SPATA17: variants seen among roughly 807,000 people sequenced by gnomAD.
SPATA17 encodes spermatogenesis associated 17.
In SPATA17, 53 loss-of-function variants were observed where a neutral mutation model predicts 62.2. The ratio of observed to expected loss-of-function variants is 0.85; its 90% CI spans 0.68 to 1.07. SPATA17 has a LOEUF of 1.07. Among genes scored for constraint, SPATA17 ranks in the 50% least tolerant of loss-of-function variants. The pLI is 0.00. For synonymous variants in SPATA17, 146 were observed against 146.8 expected (o/e 0.99, Z 0.04); for missense variants, 466 against 425.5 (o/e 1.10, Z -0.84).
At chr1:217,738,703 A>G (rs541767370) in intron 5 of SPATA17, among the ~76,000 whole-genome samples, 1 of 152,202 alleles carries the variant, frequency 6.6e-6, no homozygotes, top group Non-Finnish European at 1.5e-5. Flanking sequence ...TGCAATCCCA[A>G]CACTTGGGGA....
chr1:217,814,778 T>C (rs1461916703), intron 9 of SPATA17, among the ~76,000 whole-genome samples: 1 of 151,932 alleles, frequency 6.6e-6, no homozygotes. Flanking sequence ...AGCCCATGAG[T>C]TGGAGGCTGC....
chr1:217,743,659 G>T (rs1034445527), intron 6 of SPATA17, among the ~76,000 whole-genome samples: 1 of 151,908 alleles, frequency 6.6e-6, no homozygotes, highest in Non-Finnish European at 1.5e-5. Context: ...GCCCAGGCTG[G>T]AGTACAGTGG....
chr1:217,637,620 T>C (rs972208461), intron 1 of SPATA17, among the ~76,000 whole-genome samples: 10 of 152,188 alleles, frequency 6.6e-5, no homozygotes, highest in Admixed American at 1.3e-4. Context: ...TGACTGTAGT[T>C]CCTCCTGTAT....
intron 3 of SPATA17, among the ~76,000 whole-genome samples, chr1:217,656,036 C>G (rs548243536): frequency 1.3e-5 from 2 of 151,888 alleles, no homozygotes; most frequent in Non-Finnish European, 2.9e-5. Flanking sequence ...TCCCCCACCC[C>G]CCACGCCCGG....
At chr1:217,676,352 C>A (rs115831316) in intron 4 of SPATA17, among the ~76,000 whole-genome samples, 7,681 of 152,108 alleles carry the variant, frequency 0.05, 258 homozygotes, top group Middle Eastern at 0.12. Flanking sequence ...GTCCAAGGTG[C>A]AGATCACACA....
intron 9 of SPATA17, among the ~76,000 whole-genome samples, chr1:217,856,199 A>C (rs1675782363): frequency 6.6e-6 from 1 of 152,250 alleles, no homozygotes; most frequent in Non-Finnish European, 1.5e-5. Context: ...AGGATTATTC[A>C]TCTACAGTTT....
At chr1:217,768,662 T>G (rs183890692) in intron 6 of SPATA17, among the ~76,000 whole-genome samples, 1 of 152,116 alleles carries the variant, frequency 6.6e-6, no homozygotes, top group East Asian at 1.9e-4. Context: ...CCAGCTAATT[T>G]TTTGTATTTT....
chr1:217,751,371 A>G (rs1672901951), intron 6 of SPATA17, among the ~76,000 whole-genome samples: 2 of 152,150 alleles, frequency 1.3e-5, no homozygotes, highest in Admixed American at 1.3e-4. Context: ...TCAAGATTAC[A>G]TAGAGATCTG....
intron 9 of SPATA17, among the ~76,000 whole-genome samples, chr1:217,818,151 C>G (rs1674769033): frequency 6.6e-6 from 1 of 151,872 alleles, no homozygotes; most frequent in Non-Finnish European, 1.5e-5. Flanking sequence ...TCTTACAGTA[C>G]TATTTCAGTC....
intron 1 of SPATA17, among the ~76,000 whole-genome samples, chr1:217,638,820 T>C (rs2102875591): frequency 6.6e-6 from 1 of 152,240 alleles, no homozygotes; most frequent in African/African-American, 2.4e-5. Context: ...ATAATAATTT[T>C]CCATTTAAAA....
rs553861025 is a variant in SPATA17 at position 217,850,455 on chromosome 1, G to A, written c.1006-12319G>A. 3.7e-4 allele frequency: 497 copies of A among 1,349,600 alleles called. 3 individuals carry two copies. The highest frequency in any genetic ancestry group is 1.6e-3 in the South Asian group (133 of 84,376). 83.6% of individuals were successfully genotyped at this position (1,349,600 alleles called of 1,614,324 possible). Reference sequence around the variant, plus strand: ...GGTACAGGGTCAACTCTTTCTGGATGTTGTAGTCAGAAAGAGTACAGCCTC... The same window carrying A: ...GGTACAGGGTCAACTCTTTCTGGATATTGTAGTCAGAAAGAGTACAGCCTC... On this transcript the variant is annotated intron_variant, in intron 9 of 10. Transcript: ENST00000366933.
intron 5 of SPATA17, among the ~76,000 whole-genome samples, chr1:217,730,464 A>G (rs993018353): frequency 6.6e-6 from 1 of 151,932 alleles, no homozygotes; most frequent in Non-Finnish European, 1.5e-5. Context: ...TGATCTATCT[A>G]TACACCTTGG....
chr1:217,802,253 A>C (rs1674330998), intron 9 of SPATA17, among the ~76,000 whole-genome samples: 1 of 152,160 alleles, frequency 6.6e-6, no homozygotes, highest in African/African-American at 2.4e-5. Context: ...AGAGAAGACA[A>C]GCATTATATA....
intron 5 of SPATA17, among the ~76,000 whole-genome samples, chr1:217,715,114 C>T (rs754523787): frequency 1.3e-5 from 2 of 152,040 alleles, no homozygotes; most frequent in African/African-American, 4.8e-5. Context: ...TATCCCCTAC[C>T]GTGACCAAGA....
chr1:217,659,335 G>A (rs1259445211), intron 3 of SPATA17, among the ~76,000 whole-genome samples: 1 of 151,854 alleles, frequency 6.6e-6, no homozygotes, highest in Non-Finnish European at 1.5e-5. Context: ...TTTGAAATTA[G>A]GAATGAGCAT....
chr1:217,788,801 G>T (rs2102980896), intron 8 of SPATA17, among the ~76,000 whole-genome samples: 1 of 152,254 alleles, frequency 6.6e-6, no homozygotes, highest in South Asian at 2.1e-4. Context: ...CCTCAAGAAT[G>T]ATAAGTTAAT....
chr1:217,842,605 A>C (rs1455558268), intron 9 of SPATA17, among the ~76,000 whole-genome samples: 1 of 151,938 alleles, frequency 6.6e-6, no homozygotes, highest in Non-Finnish European at 1.5e-5. Context: ...ATTAATATTT[A>C]ATTCGATAGC....
In SPATA17 at chr1:217,805,832, G is replaced by T. The variant is rs1220132744; in HGVS notation, c.1005+3982G>T. ...GATATGCTGTGTTCATGGACTGAAAGAATTTAATATTGTTAAAATGTCCAT... is the reference window on the plus strand; with the variant it reads ...GATATGCTGTGTTCATGGACTGAAATAATTTAATATTGTTAAAATGTCCAT... On this transcript the variant is annotated intron_variant, in intron 9 of 10. Transcript: ENST00000366933. 2.0e-5 allele frequency among the ~76,000 whole-genome samples: 3 copies of T among 152,328 alleles called. No homozygotes were observed. The South Asian group carries it at 6.2e-4, about 32-fold the overall frequency.
intron 8 of SPATA17, among the ~76,000 whole-genome samples, chr1:217,791,997 G>A (rs1328468795): frequency 6.6e-6 from 1 of 151,834 alleles, no homozygotes; most frequent in African/African-American, 2.4e-5. Flanking sequence ...GGCTTCCCTG[G>A]GCCACACTGG....
Sources: gnomAD v4.1 joint callset for allele counts (sites outside exome capture counted in the v4.1 genomes callset) on GRCh38, gnomAD v4.1.1 for gene constraint, MANE v1.5 for transcripts, NCBI Gene and HGNC (gene_info 2026-07-23, HGNC 2026-07-21) for gene names.